Variants in NF1 observed in about 807,000 individuals in gnomAD.
NF1 encodes neurofibromin 1.
In NF1, 122 loss-of-function variants were observed where a neutral mutation model predicts 325.7. That is an observed-to-expected ratio of 0.37 (90% CI 0.32 to 0.44). The LOEUF is 0.44. Among genes scored for constraint, NF1 ranks in the 20% least tolerant of loss-of-function variants. The probability of loss-of-function intolerance (pLI) is 1.00; values close to 1 mark genes in which losing one functional copy is unlikely to be tolerated. For synonymous variants in NF1, 1,091 were observed against 1,186.0 expected, an observed-to-expected ratio of 0.92 and a Z score of 1.65; for missense variants, 2,140 against 3,415.4, an observed-to-expected ratio of 0.63 and a Z score of 9.31.
At chr17:31,367,527 T>G (rs1567631713) in intron 57 of NF1, among the ~76,000 whole-genome samples, 1 of 152,134 alleles carries the variant, frequency 6.6e-6, no homozygotes, top group South Asian at 2.1e-4. Context: ...ATCCCATACC[T>G]GGACTAACAA....
intron 1 of NF1, among the ~76,000 whole-genome samples, chr17:31,103,956 G>GGCTGCAGTGAGGCATGATTGCACC (rs1157249824): frequency 6.6e-6 from 1 of 152,130 alleles, no homozygotes; most frequent in Non-Finnish European, 1.5e-5. Context: ...AGGAAATTAA[G>GGCTGCAGTGAGGCATGATTGCACC]GCTGCAGTGA....
At chr17:31,240,942 A>T in intron 29 of NF1, among the ~76,000 whole-genome samples, 1 of 151,972 alleles carries the variant, frequency 6.6e-6, no homozygotes, top group East Asian at 1.9e-4. Context: ...TAGTGGCGTG[A>T]TCTTGGCTCA....
At chr17:31,225,561 A>T (rs1398823954) in intron 17 of NF1, among the ~76,000 whole-genome samples, 1 of 151,988 alleles carries the variant, frequency 6.6e-6, no homozygotes, top group African/African-American at 2.4e-5. Flanking sequence ...ATAAACCTCC[A>T]CTCCATAAAA....
At chr17:31,249,703 T>C (rs992468818) in intron 30 of NF1, among the ~76,000 whole-genome samples, 7 of 152,230 alleles carry the variant, frequency 4.6e-5, no homozygotes, top group African/African-American at 1.7e-4. Flanking sequence ...ACTCAGAAAA[T>C]AGCCATAGTC....
Position 31,102,876 on chromosome 17 carries a change from C to T in NF1, c.60+7507C>T, listed in dbSNP as rs1159806408. Among the ~76,000 whole-genome samples, 11 of 150,102 alleles carry T rather than the reference C, an allele frequency of 7.3e-5. 1 individual carries two copies. The highest frequency in any genetic ancestry group is 2.5e-4 in the African/African-American group (10 of 40,798). On this transcript the variant is annotated intron_variant, in intron 1 of 57. Transcript: ENST00000358273. ...TTTTTTTTTTTTTGAGATAGAGTCT[C>T]GCTCTATTGCCCAGGTTGGAGTGCA... is the stretch of plus-strand genomic sequence containing the variant.
rs17884156 is a variant in NF1 at position 31,234,461 on chromosome 17, C to T, written c.3709-1150C>T. 4.8e-3 allele frequency among the ~76,000 whole-genome samples: 732 copies of T among 151,886 alleles called. 15 individuals are homozygous for T. The highest frequency in any genetic ancestry group is 0.016 in the African/African-American group (680 of 41,426). Reference sequence around the variant, plus strand: ...GGCTGAGGCGGGAGGATCACAAGGTCGGGAGATCGAGACCATCCTGGCTAA... The same window carrying T: ...GGCTGAGGCGGGAGGATCACAAGGTTGGGAGATCGAGACCATCCTGGCTAA... On this transcript the variant is annotated intron_variant, in intron 27 of 57. Coordinates refer to ENST00000358273, the MANE Select transcript of NF1 (RefSeq NM_001042492.3).
intron 1 of NF1, among the ~76,000 whole-genome samples, chr17:31,126,323 T>C (rs1408928505): frequency 6.6e-6 from 1 of 152,268 alleles, no homozygotes; most frequent in Non-Finnish European, 1.5e-5. Context: ...TGTTATTTAT[T>C]CTGTGAAATG....
At chr17:31,151,095 C>T (rs1447374355) in intron 1 of NF1, among the ~76,000 whole-genome samples, 1 of 151,866 alleles carries the variant, frequency 6.6e-6, no homozygotes, top group Non-Finnish European at 1.5e-5. Flanking sequence ...ACATTTTGGT[C>T]AGTGATGGAC....
chr17:31,095,513 G>A (rs1223120364), intron 1 of NF1, 144 bp downstream of exon 1: 10 of 497,858 alleles, frequency 2.0e-5, no homozygotes, highest in Non-Finnish European at 3.4e-5. Flanking sequence ...GGGAAGGGGG[G>A]ATAAGTGGGG....
chr17:31,329,224 T>A (rs1410185673), intron 38 of NF1, among the ~76,000 whole-genome samples: 1 of 152,308 alleles, frequency 6.6e-6, no homozygotes, highest in East Asian at 1.9e-4. Context: ...TAACACTAAT[T>A]TTCACATTTT....
intron 14 of NF1, among the ~76,000 whole-genome samples, chr17:31,219,973 T>A (rs904737075): frequency 1.1e-4 from 16 of 152,160 alleles, no homozygotes; most frequent in Admixed American, 6.6e-4. Flanking sequence ...ACGTTTGGTG[T>A]TGTTTCTACT....
chr17:31,126,573 C>T lies in NF1; in HGVS notation c.61-29410C>T, dbSNP rs575485136. Among the ~76,000 whole-genome samples the T allele has an allele frequency of 7.9e-5, 12 of 152,180 alleles. 1 individual carries two copies. In the South Asian group the frequency reaches 1.9e-3, roughly 24 times the overall value. ...CCTCCCACCTCAGCCTCTTGAGTAG[C>T]TGGGACTACAGGTACGCGCCACTGT... is the stretch of plus-strand genomic sequence containing the variant. On this transcript the variant is annotated intron_variant, in intron 1 of 57. Coordinates refer to ENST00000358273, the MANE Select transcript of NF1 (RefSeq NM_001042492.3).
intron 13 of NF1, among the ~76,000 whole-genome samples, chr17:31,215,807 T>C (rs867529726): frequency 5.9e-5 from 9 of 152,222 alleles, no homozygotes; most frequent in African/African-American, 2.2e-4. Flanking sequence ...GCTTTCGATT[T>C]TGGTGGCATA....
chr17:31,128,660 C>T (rs900021545), intron 1 of NF1, among the ~76,000 whole-genome samples: 5 of 152,086 alleles, frequency 3.3e-5, no homozygotes, highest in Admixed American at 3.3e-4. Context: ...CTGTGGCTCA[C>T]ACCTGTAATC....
Position 31,229,822 on chromosome 17 carries a change from GTTCT to G in NF1, c.2851-6_2851-3del, listed in dbSNP as rs1597716256. On this transcript the variant is annotated splice_polypyrimidine_tract_variant and intron_variant, in intron 21 of 57. Transcript: ENST00000358273. ...TTGATGGCAAATCATTAATGTATTT[GTTCT>G]TTCTTTAGGTTTTATTGACTGATAC... The G allele has an allele frequency of 6.2e-7, 1 of 1,611,490 alleles. No individual in the cohort carries two copies. Among genetic ancestry groups the G allele is most frequent in the Non-Finnish European group, 8.5e-7 (1 of 1,179,522 alleles).
At chr17:31,099,558 C>CTTT (rs34905795) in intron 1 of NF1, among the ~76,000 whole-genome samples, 1 of 123,912 alleles carries the variant, frequency 8.1e-6, no homozygotes, top group African/African-American at 2.8e-5. Context: ...AGGTGTGTAG[C>CTTT]TTTTTTTTTT....
intron 36 of NF1, among the ~76,000 whole-genome samples, chr17:31,323,745 T>C (rs1042249659): frequency 5.3e-5 from 8 of 152,236 alleles, no homozygotes; most frequent in African/African-American, 1.9e-4. Flanking sequence ...GCCTGCCCAG[T>C]CCTCTTGCTG....
chr17:31,210,777 A>G (rs1260572614), intron 12 of NF1, among the ~76,000 whole-genome samples: 1 of 152,208 alleles, frequency 6.6e-6, no homozygotes, highest in Admixed American at 6.5e-5. Context: ...CCCTGTTTCT[A>G]TTAATACAAT....
chr17:31,363,209 G>A (rs1877809957), intron 57 of NF1, among the ~76,000 whole-genome samples: 1 of 152,056 alleles, frequency 6.6e-6, no homozygotes, highest in African/African-American at 2.4e-5. Flanking sequence ...TTCAGAGAAA[G>A]GGTTTATCTT....
Sources: gnomAD v4.1 joint callset for allele counts (sites outside exome capture counted in the v4.1 genomes callset) on GRCh38, gnomAD v4.1.1 for gene constraint, MANE v1.5 for transcripts, NCBI Gene and HGNC (gene_info 2026-07-23, HGNC 2026-07-21) for gene names.